Variants in SLC44A3 observed in about 807,000 individuals in gnomAD.
SLC44A3 encodes choline transporter-like protein 3.
SLC44A3 carries 74 observed loss-of-function variants against 75.4 expected under a neutral mutation model. The ratio of observed to expected loss-of-function variants is 0.98; its 90% confidence interval spans 0.81 to 1.19. SLC44A3 has a LOEUF of 1.19. Ranked by LOEUF, SLC44A3 falls within the 50% of genes most tolerant of loss-of-function variation. SLC44A3 has a pLI of 0.00. For synonymous variants in SLC44A3, 310 were observed against 296.9 expected, an observed-to-expected ratio of 1.04 and a Z score of -0.45; for missense variants, 700 against 778.6, an observed-to-expected ratio of 0.90 and a Z score of 1.20.
At chr1:94,854,693 G>A (rs1319512622) in intron 9 of SLC44A3, among the ~76,000 whole-genome samples, 6 of 152,110 alleles carry the variant, frequency 3.9e-5, no homozygotes, top group Non-Finnish European at 8.8e-5. Context: ...GCCCCTGAAC[G>A]TTTGTCTAAA....
rs146343875 is a variant in SLC44A3 at position 94,867,781 on chromosome 1, G to A, written c.1482+364G>A. On this transcript the variant is annotated intron_variant, in intron 12 of 14. Transcript: ENST00000271227. ...TAGCTCCTGCCAGAGAAAAGTGGGC[G>A]GTGTGATGGAGCTAGCTCCTGAGCT... Among the ~76,000 whole-genome samples the A allele has an allele frequency of 1.3e-3, 192 of 152,280 alleles. 3 individuals carry two copies. The highest frequency in any genetic ancestry group is 4.4e-3 in the African/African-American group (183 of 41,552).
intron 12 of SLC44A3, among the ~76,000 whole-genome samples, chr1:94,883,813 C>T (rs1669261009): frequency 6.6e-6 from 1 of 152,148 alleles, no homozygotes; most frequent in South Asian, 2.1e-4. Flanking sequence ...GTTTCATTTT[C>T]GTTTGTTGAA....
At chr1:94,857,723 A>G (rs943149320) in intron 10 of SLC44A3, among the ~76,000 whole-genome samples, 3 of 152,148 alleles carry the variant, frequency 2.0e-5, no homozygotes, top group African/African-American at 7.2e-5. Flanking sequence ...TTTAAGCTAG[A>G]AAATTTAGAA....
intron 9 of SLC44A3, among the ~76,000 whole-genome samples, chr1:94,852,244 G>C (rs1665303432): frequency 6.6e-6 from 1 of 152,166 alleles, no homozygotes; most frequent in Admixed American, 6.6e-5. Flanking sequence ...TTTAAAAGTT[G>C]ATAAGTGGCA....
intron 12 of SLC44A3, among the ~76,000 whole-genome samples, chr1:94,887,304 C>T (rs765800204): frequency 2.4e-4 from 37 of 152,120 alleles, no homozygotes; most frequent in Non-Finnish European, 4.7e-4. Context: ...ATGTTTAATC[C>T]GTATCCTGTG....
At chr1:94,835,413 T>C (rs1425519364) in intron 5 of SLC44A3, among the ~76,000 whole-genome samples, 1 of 152,248 alleles carries the variant, frequency 6.6e-6, no homozygotes, top group East Asian at 1.9e-4. Context: ...GTAGTTTAGT[T>C]AGTAGTTTAG....
intron 12 of SLC44A3, among the ~76,000 whole-genome samples, chr1:94,885,430 G>A (rs1227396797): frequency 2.0e-5 from 3 of 152,022 alleles, no homozygotes; most frequent in Non-Finnish European, 1.5e-5. Context: ...GAGAAGTGAC[G>A]TGATTTGGTG....
At chr1:94,861,947 T>A (rs1351115709) in intron 10 of SLC44A3, among the ~76,000 whole-genome samples, 1 of 152,160 alleles carries the variant, frequency 6.6e-6, no homozygotes, top group Non-Finnish European at 1.5e-5. Flanking sequence ...TTTTCAAATA[T>A]ACAAAAGAGG....
At chr1:94,821,918 T>C (rs1660649519) in intron 2 of SLC44A3, among the ~76,000 whole-genome samples, 1 of 152,196 alleles carries the variant, frequency 6.6e-6, no homozygotes, top group African/African-American at 2.4e-5. Flanking sequence ...CCGTTTCACA[T>C]AGACAGGCTT....
At chr1:94,855,021 C>T (rs1665704252) in intron 9 of SLC44A3, among the ~76,000 whole-genome samples, 1 of 152,226 alleles carries the variant, frequency 6.6e-6, no homozygotes, top group African/African-American at 2.4e-5. Context: ...AGTGATCACT[C>T]AAAAATAACT....
At chr1:94,837,066 A>C (rs1662927047) in intron 5 of SLC44A3, among the ~76,000 whole-genome samples, 1 of 152,198 alleles carries the variant, frequency 6.6e-6, no homozygotes, top group Admixed American at 6.5e-5. Context: ...TAAGTGAAAT[A>C]AACCAGGCAT....
At chr1:94,850,955 A>G (rs1404647061) in intron 9 of SLC44A3, among the ~76,000 whole-genome samples, 2 of 152,154 alleles carry the variant, frequency 1.3e-5, no homozygotes, top group Non-Finnish European at 2.9e-5. Context: ...CTAGGAAAAG[A>G]GTAAAGGGAG....
intron 10 of SLC44A3, among the ~76,000 whole-genome samples, chr1:94,862,797 C>T (rs1666729742): frequency 6.6e-6 from 1 of 152,220 alleles, no homozygotes; most frequent in African/African-American, 2.4e-5. Flanking sequence ...ACACTCATCG[C>T]TGGGTTGCCC....
At chr1:94,832,799 C>T (rs917645716) in intron 5 of SLC44A3, among the ~76,000 whole-genome samples, 1 of 152,138 alleles carries the variant, frequency 6.6e-6, no homozygotes, top group Non-Finnish European at 1.5e-5. Context: ...CATAACGAGA[C>T]CATGTCTCTA....
intron 12 of SLC44A3, among the ~76,000 whole-genome samples, chr1:94,876,137 A>C (rs1358570030): frequency 1.3e-5 from 2 of 152,212 alleles, no homozygotes; most frequent in African/African-American, 4.8e-5. Flanking sequence ...GTCATCTGTG[A>C]TCACAGCTAG....
intron 5 of SLC44A3, among the ~76,000 whole-genome samples, chr1:94,834,639 G>A (rs192473827): frequency 6.1e-4 from 92 of 151,942 alleles, no homozygotes; most frequent in Middle Eastern, 3.4e-3. Flanking sequence ...CACCCACCAC[G>A]ACACCTGGCT....
At position 94,854,723 on chromosome 1, in the gene SLC44A3, C is replaced by T. The variant is rs994771318; in HGVS notation, c.1073-2612C>T. 2.0e-5 allele frequency among the ~76,000 whole-genome samples: 3 copies of T among 151,652 alleles called. No individual in the cohort carries two copies. In the East Asian group the frequency reaches 5.8e-4, roughly 29 times the overall value. On this transcript the variant is annotated intron_variant, in intron 9 of 14. Coordinates refer to ENST00000271227, the MANE Select transcript of SLC44A3 (RefSeq NM_001114106.3). ...TCTAAACCAATGGTTCTCAAGCCCCCCGCGCCCCCCGGTGACTTTTTGCCC... is the reference window on the plus strand; with the variant it reads ...TCTAAACCAATGGTTCTCAAGCCCCTCGCGCCCCCCGGTGACTTTTTGCCC...
intron 3 of SLC44A3, 42 bp downstream of exon 3, chr1:94,824,677 C>A: frequency 6.7e-7 from 1 of 1,493,774 alleles, no homozygotes; most frequent in Non-Finnish European, 8.9e-7. Flanking sequence ...GGAACTGTAC[C>A]TCAAAACTTT....
rs56383271 is a variant in SLC44A3, at chr1:94,840,283, C to CTTTTTTT, written c.760+264_760+270dup. 2.1e-3 allele frequency among the ~76,000 whole-genome samples: 162 copies of CTTTTTTT among 77,362 alleles called. 1 individual carries two copies. Among genetic ancestry groups the CTTTTTTT allele is most frequent in the African/African-American group, 2.5e-3 (48 of 19,454 alleles). 50.8% of individuals were successfully genotyped at this position (77,362 alleles called of 152,430 possible). On this transcript the variant is annotated intron_variant, in intron 7 of 14. Transcript: ENST00000271227. ...TTCTTTTCTTTTCTTTTTCTTTTTC[C>CTTTTTTT]TTTTTTTTTTTTTTTTTTTTTTTTG...
Sources: allele counts gnomAD v4.1 joint callset (sites outside exome capture counted in the v4.1 genomes callset), GRCh38; gene constraint gnomAD v4.1.1; transcripts MANE v1.5; gene names NCBI Gene and HGNC (gene_info 2026-07-23, HGNC 2026-07-21).